Variants in GULP1 observed in about 807,000 individuals in gnomAD.
GULP1 encodes PTB domain-containing engulfment adapter protein 1.
GULP1 carries 19 observed loss-of-function variants against 40.9 expected under a neutral mutation model. That is an observed-to-expected ratio of 0.46 (90% CI 0.32 to 0.68). The LOEUF (loss-of-function observed/expected upper bound fraction) is 0.68, where lower values mean the gene tolerates loss of function less well. Among genes scored for constraint, GULP1 ranks in the 30% least tolerant of loss-of-function variants. The pLI is 0.03. For missense variants in GULP1, 312 were observed against 362.2 expected, an observed-to-expected ratio of 0.86 and a Z score of 1.12; for synonymous variants, 119 against 117.6, an observed-to-expected ratio of 1.01 and a Z score of -0.08.
intron 1 of GULP1, among the ~76,000 whole-genome samples, chr2:188,362,984 A>G (rs557970169): frequency 6.6e-6 from 1 of 152,100 alleles, no homozygotes; most frequent in African/African-American, 2.4e-5. Context: ...AAAGAAAAAA[A>G]TATGAATCGT....
At chr2:188,476,687 A>G (rs1174763577) in intron 2 of GULP1, among the ~76,000 whole-genome samples, 1 of 152,144 alleles carries the variant, frequency 6.6e-6, no homozygotes, top group Non-Finnish European at 1.5e-5. Flanking sequence ...TAGAAGTGAA[A>G]GGCTATCTTA....
At chr2:188,464,008 T>A (rs1231389308) in intron 2 of GULP1, among the ~76,000 whole-genome samples, 4 of 152,212 alleles carry the variant, frequency 2.6e-5, no homozygotes, top group Non-Finnish European at 5.9e-5. Context: ...TCCAGGATTG[T>A]TCCCTGATGT....
chr2:188,359,361 T>C (rs1192783694), intron 1 of GULP1, among the ~76,000 whole-genome samples: 5 of 152,144 alleles, frequency 3.3e-5, no homozygotes, highest in Admixed American at 3.3e-4. Context: ...AAGGGCTAAA[T>C]AAACGGGGCT....
intron 2 of GULP1, among the ~76,000 whole-genome samples, chr2:188,390,741 G>T (rs2050407390): frequency 6.6e-6 from 1 of 151,876 alleles, no homozygotes; most frequent in Admixed American, 6.6e-5. Flanking sequence ...GTTTTTTATG[G>T]TTTCAGGTCT....
chr2:188,426,294 G>C (rs1028511802), intron 2 of GULP1, among the ~76,000 whole-genome samples: 53 of 152,116 alleles, frequency 3.5e-4, no homozygotes, highest in African/African-American at 1.3e-3. Context: ...AGATAAGATC[G>C]CTAGAGTTAA....
chr2:188,429,809 C>T (rs979131553), intron 2 of GULP1, among the ~76,000 whole-genome samples: 1 of 151,590 alleles, frequency 6.6e-6, no homozygotes, highest in Non-Finnish European at 1.5e-5. Context: ...CCTGGGTTCA[C>T]CCGCCGTTCT....
At chr2:188,551,577 C>T (rs566420684) in intron 7 of GULP1, among the ~76,000 whole-genome samples, 7 of 151,632 alleles carry the variant, frequency 4.6e-5, no homozygotes, top group South Asian at 4.2e-4. Context: ...TATCCATTGG[C>T]GGACATTTAG....
chr2:188,498,889 C>T (rs1575613873), intron 4 of GULP1, among the ~76,000 whole-genome samples: 1 of 151,234 alleles, frequency 6.6e-6, no homozygotes. Flanking sequence ...AATAAACTTA[C>T]ACAAGATCAG....
intron 7 of GULP1, among the ~76,000 whole-genome samples, chr2:188,551,029 A>G (rs980482037): frequency 6.6e-6 from 1 of 151,586 alleles, no homozygotes; most frequent in African/African-American, 2.4e-5. Flanking sequence ...AGCAGGAGTG[A>G]CCAGCTGTAA....
intron 1 of GULP1, among the ~76,000 whole-genome samples, chr2:188,341,967 C>T (rs1361470334): frequency 1.3e-5 from 2 of 151,984 alleles, no homozygotes; most frequent in African/African-American, 2.4e-5. Context: ...TTTTTGTTTT[C>T]TTACCTCTTT....
rs1575918510 is a variant in GULP1, at chr2:188,541,597, T to C, written c.399+279T>C. 8.6e-5 allele frequency: 47 copies of C among 545,678 alleles called. No homozygotes were observed. In the East Asian group the frequency reaches 1.3e-3, roughly 15 times the overall value. The allele number at this position is 545,678 out of a possible 1,614,324, so 33.8% of individuals were successfully genotyped here. A position where few individuals can be genotyped will look rare whatever the true frequency, so the allele number is the denominator to read the frequency against. On this transcript the variant is annotated intron_variant, in intron 7 of 11. Transcript: ENST00000409830. The stretch of plus-strand genomic sequence containing the variant: ...CTGCTTATGTTATGCATGTATTTTA[T>C]AATAATTTAATCTATTTTACAATTT...
intron 7 of GULP1, among the ~76,000 whole-genome samples, chr2:188,567,868 C>T (rs1698132631): frequency 6.6e-6 from 1 of 152,116 alleles, no homozygotes; most frequent in Non-Finnish European, 1.5e-5. Context: ...TATTCATAAT[C>T]CCACAATCTA....
intron 6 of GULP1, among the ~76,000 whole-genome samples, chr2:188,537,415 G>A (rs1429101291): frequency 1.3e-5 from 2 of 151,910 alleles, no homozygotes; most frequent in Non-Finnish European, 2.9e-5. Flanking sequence ...TTTTTTCGAA[G>A]GCTTTTTCGA....
At chr2:188,546,726 G>A (rs1041463422) in intron 7 of GULP1, among the ~76,000 whole-genome samples, 4 of 151,868 alleles carry the variant, frequency 2.6e-5, no homozygotes, top group African/African-American at 9.7e-5. Context: ...GAAGAAATTG[G>A]TGAAGTGGAA....
intron 1 of GULP1, among the ~76,000 whole-genome samples, chr2:188,314,293 T>C (rs1187350732): frequency 6.6e-6 from 1 of 152,194 alleles, no homozygotes; most frequent in Non-Finnish European, 1.5e-5. Context: ...GTCTCTGTCC[T>C]TAAGAATCAT....
intron 7 of GULP1, among the ~76,000 whole-genome samples, chr2:188,554,303 T>C (rs1405682813): frequency 6.6e-6 from 1 of 152,008 alleles, no homozygotes; most frequent in Non-Finnish European, 1.5e-5. Flanking sequence ...AACGTTCCTC[T>C]TAGCACTGCT....
chr2:188,506,307 T>G (rs546473535), intron 4 of GULP1, among the ~76,000 whole-genome samples: 4 of 152,014 alleles, frequency 2.6e-5, no homozygotes, highest in Non-Finnish European at 5.9e-5. Flanking sequence ...GAACTAGCAA[T>G]GATAAATATA....
chr2:188,410,541 T>C (rs1371704370), intron 2 of GULP1, among the ~76,000 whole-genome samples: 1 of 152,154 alleles, frequency 6.6e-6, no homozygotes, highest in East Asian at 1.9e-4. Context: ...ATGACCTGAA[T>C]AGACATTTCT....
At chr2:188,398,283 T>C (rs2051583438) in intron 2 of GULP1, among the ~76,000 whole-genome samples, 1 of 152,210 alleles carries the variant, frequency 6.6e-6, no homozygotes, top group Non-Finnish European at 1.5e-5. Flanking sequence ...AGAGAATAAA[T>C]TTCTGTTCTT....
Sources: gnomAD v4.1 joint callset for allele counts (sites outside exome capture counted in the v4.1 genomes callset) on GRCh38, gnomAD v4.1.1 for gene constraint, MANE v1.5 for transcripts, NCBI Gene and HGNC (gene_info 2026-07-23, HGNC 2026-07-21) for gene names.